Variants in ZAN observed in about 807,000 individuals in gnomAD.
ZAN encodes zonadhesin (gene/pseudogene).
Under a neutral mutation model 286.2 loss-of-function variants are expected in ZAN, and 260 were observed. The observed-to-expected ratio is 0.91, with a 90% confidence interval of 0.82 to 1.01. The LOEUF is 1.01. ZAN is among the 50% of genes least tolerant of loss of function. The probability of loss-of-function intolerance (pLI) is 0.00; values close to 1 mark genes in which losing one functional copy is unlikely to be tolerated. For missense variants in ZAN, 3,410 were observed against 3,639.2 expected, an observed-to-expected ratio of 0.94 and a Z score of 1.62; for synonymous variants, 1,368 against 1,417.5, an observed-to-expected ratio of 0.97 and a Z score of 0.79.
chr7:100,747,999 A>G (rs1438683575), intron 9 of ZAN, 138 bp from the exon 10 acceptor site: 13 of 722,018 alleles, frequency 1.8e-5, no homozygotes, highest in Admixed American at 5.6e-5. Context: ...AAAAAAAAAA[A>G]AAAGAAAGAA....
At chr7:100,743,310 C>G (rs570140047) in intron 7 of ZAN, among the ~76,000 whole-genome samples, 65 of 152,266 alleles carry the variant, frequency 4.3e-4, no homozygotes, top group African/African-American at 1.5e-3. Context: ...GCGTAAGCCA[C>G]CATGCCTGGC....
At chr7:100,769,828 T>G in intron 27 of ZAN, 52 bp from the exon 28 acceptor site, 21 of 1,501,982 alleles carry the variant, frequency 1.4e-5, no homozygotes, top group African/African-American at 2.8e-5. Context: ...ATTATAGGCA[T>G]GAGCCACTGC....
chr7:100,784,879 G>A (rs963679759), intron 36 of ZAN, 45 bp downstream of exon 36: 1 of 1,511,484 alleles, frequency 6.6e-7, no homozygotes, highest in African/African-American at 1.4e-5. Context: ...ACAGCTTGAG[G>A]GCAGTGCTTT....
chr7:100,784,528 G>A (rs1811430720), intron 35 of ZAN, 95 bp from the exon 36 acceptor site: 2 of 1,259,954 alleles, frequency 1.6e-6, no homozygotes, highest in Admixed American at 2.3e-5. Context: ...CCCAAGCCTT[G>A]TTGGTCATCC....
At chr7:100,793,776 C>A in intron 42 of ZAN, 44 bp from the exon 43 acceptor site, 1 of 1,536,472 alleles carries the variant, frequency 6.5e-7, no homozygotes, top group Non-Finnish European at 8.8e-7. Flanking sequence ...CCCTGTTTGG[C>A]CTGCCCAGCC....
rs1278931239 is a variant in ZAN, at chr7:100,765,533, C to T, written c.4449C>T (p.His1483=). The T allele has an allele frequency of 1.2e-6, 2 of 1,607,170 alleles. No homozygotes were observed. Among genetic ancestry groups the T allele is most frequent in the African/African-American group, 2.7e-5 (2 of 74,780 alleles). Residue 1483 remains histidine (H), a synonymous_variant, in exon 23 of 48, where the codon CAC becomes CAT. Coordinates refer to ENST00000613979, the MANE Select transcript of ZAN (RefSeq NM_003386.3). ...CIPRSQCGCL[H]PAGSYFKVGE... ...CTCGCTCCCAGTGTGGGTGCCTCCACCCTGCAGGCAGCTACTTCAAGGTGA... is the reference window on the plus strand; with the variant it reads ...CTCGCTCCCAGTGTGGGTGCCTCCATCCTGCAGGCAGCTACTTCAAGGTGA...
At chr7:100,760,610 C>T in intron 19 of ZAN, 74 bp downstream of exon 19, 1 of 1,553,528 alleles carries the variant, frequency 6.4e-7, no homozygotes, top group Non-Finnish European at 8.7e-7. Flanking sequence ...CTTCCTGCTG[C>T]CCACCCTGCC....
At chr7:100,795,441 ATAATAT>A (rs1812299806) in intron 45 of ZAN, 105 bp downstream of exon 45, 2 of 1,142,274 alleles carry the variant, frequency 1.8e-6, no homozygotes, top group Non-Finnish European at 2.2e-6. Flanking sequence ...GATATGTATT[ATAATAT>A]TATGTTACAG....
chr7:100,766,253 C>T (rs1168266198), intron 23 of ZAN, among the ~76,000 whole-genome samples: 1 of 152,142 alleles, frequency 6.6e-6, no homozygotes, highest in Non-Finnish European at 1.5e-5. Flanking sequence ...TCCCAAAGTG[C>T]TGGGATCACA....
At chr7:100,738,722 C>G in intron 7 of ZAN, 109 bp downstream of exon 7, 1 of 1,202,904 alleles carries the variant, frequency 8.3e-7, no homozygotes. Context: ...AGCCTCTTAC[C>G]AGCTCAAGTT....
intron 11 of ZAN, among the ~76,000 whole-genome samples, chr7:100,749,909 G>A (rs1808525502): frequency 6.7e-6 from 1 of 149,670 alleles, no homozygotes; most frequent in African/African-American, 2.4e-5. Flanking sequence ...AAATTAGCCA[G>A]ACATGGTGGT....
chr7:100,781,520 C>T (rs535698572), intron 35 of ZAN, among the ~76,000 whole-genome samples: 2 of 151,880 alleles, frequency 1.3e-5, no homozygotes, highest in Non-Finnish European at 2.9e-5. Context: ...ACACAGGTCC[C>T]GTGCAGAAGG....
rs1239818756 is a variant in ZAN at position 100,750,874 on chromosome 7, C to G, written c.1499C>G (p.Ser500Ter). Residue 500 changes from serine to a stop codon, truncating the protein, a stop_gained, in exon 12 of 48, where the codon TCA becomes TGA. Coordinates refer to ENST00000613979, the MANE Select transcript of ZAN (RefSeq NM_003386.3). LOFTEE classifies it high-confidence loss of function. ...YWQNTSVTVP[S>*]GHQQPMQLIF... is the part of the protein sequence containing the mutation. Reference sequence around the variant, plus strand: ...CAGAACACCTCCGTCACCGTCCCCTCAGGACACCAACAGCCCATGCAGGTG... The same window carrying G: ...CAGAACACCTCCGTCACCGTCCCCTGAGGACACCAACAGCCCATGCAGGTG... 6.4e-7 allele frequency: 1 copy of G among 1,561,248 alleles called. No individual in the cohort carries two copies. Among genetic ancestry groups the G allele is most frequent in the Non-Finnish European group, 8.7e-7 (1 of 1,151,298 alleles).
In ZAN at chr7:100,739,457, A is replaced by G. The variant is rs942766775; in HGVS notation, c.766+844A>G. ...GGGCAGTTACCGACACAAAGTAAAT[A>G]TAGTTATAAAGTGAGCGATGCTACT... is the stretch of plus-strand genomic sequence containing the variant. On this transcript the variant is annotated intron_variant, in intron 7 of 47. Transcript: ENST00000613979. Among the ~76,000 whole-genome samples, 4 of 137,844 alleles carry G rather than the reference A, an allele frequency of 2.9e-5. 1 individual carries two copies. The highest frequency in any genetic ancestry group is 1.1e-4 in the African/African-American group (4 of 37,964). The allele number at this position is 137,844 out of a possible 152,430, so 90.4% of individuals were successfully genotyped here. A position where few individuals can be genotyped will look rare whatever the true frequency, so the allele number is the denominator to read the frequency against.
At chr7:100,733,954 ATTTCCCTC>A (rs1807122372) in intron 1 of ZAN, 65 bp from the exon 2 acceptor site, 1 of 375,904 alleles carries the variant, frequency 2.7e-6, no homozygotes, top group East Asian at 4.0e-5. Flanking sequence ...TCTCTAGTTT[ATTTCCCTC>A]GATTTCAATC....
Position 100,770,348 on chromosome 7 carries a change from C to CA in ZAN, c.5248+380dup, listed in dbSNP as rs1195288741. Among the ~76,000 whole-genome samples, 10 of 151,500 alleles carry CA rather than the reference C, an allele frequency of 6.6e-5. No homozygotes were observed. In the East Asian group the frequency reaches 1.8e-3, roughly 27 times the overall value. On this transcript the variant is annotated intron_variant, in intron 28 of 47. Coordinates refer to ENST00000613979, the MANE Select transcript of ZAN (RefSeq NM_003386.3). ...TGAAACCCCGTCTCTACTAAAAATA[C>CA]AAAAAATTAGCTGGGCCTGGTGACG...
chr7:100,777,265 G>A (rs1381151807), intron 34 of ZAN, among the ~76,000 whole-genome samples: 3 of 151,854 alleles, frequency 2.0e-5, no homozygotes, highest in Non-Finnish European at 2.9e-5. Context: ...GGCTGGTCTC[G>A]AGCTCCTGAC....
rs1010808939 is a variant in ZAN at position 100,757,035 on chromosome 7, T to C, written c.3310-1167T>C. Among the ~76,000 whole-genome samples, 3 of 152,370 alleles carry C rather than the reference T, an allele frequency of 2.0e-5. No homozygotes were observed. The East Asian group carries it at 5.8e-4, about 29-fold the overall frequency. On this transcript the variant is annotated intron_variant, in intron 15 of 47. Coordinates refer to ENST00000613979, the MANE Select transcript of ZAN (RefSeq NM_003386.3). ...CGCCCGCCTCAGCCTTCCAAAGTGT[T>C]GGGATTACAGGCGTGAGCCACCGCG...
chr7:100,786,023 T>G lies in ZAN; in HGVS notation c.6861T>G (p.Gly2287=). The G allele has an allele frequency of 6.2e-7, 1 of 1,613,908 alleles. No individual in the cohort carries two copies. ...IPLGKSWVSS[G]CTEKCVCTGG... ...TGGGCAAGAGCTGGGTCTCCAGCGG[T>G]TGCACGGAGAAGTGTGTCTGCACGG... Residue 2287 remains glycine, a synonymous_variant, in exon 37 of 48, where the codon GGT becomes GGG. Transcript: ENST00000613979.
Sources: allele counts gnomAD v4.1 joint callset (sites outside exome capture counted in the v4.1 genomes callset), GRCh38; gene constraint gnomAD v4.1.1; transcripts MANE v1.5; gene names NCBI Gene and HGNC (gene_info 2026-07-23, HGNC 2026-07-21).